The following MAGI2 variants were observed in gnomAD, a reference collection of about 807,000 sequenced individuals.
MAGI2 encodes membrane associated guanylate kinase, WW and PDZ domain containing 2, also known as membrane-associated guanylate kinase, WW and PDZ domain-containing protein 2.
MAGI2 carries 35 observed loss-of-function variants against 133.3 expected under a neutral mutation model. That is an observed-to-expected ratio of 0.26 (90% CI 0.20 to 0.35). MAGI2 has a LOEUF of 0.35. MAGI2 is among the 10% of genes least tolerant of loss of function. MAGI2 has a pLI of 1.00. For synonymous variants in MAGI2, 729 were observed against 710.6 expected (o/e 1.03, Z -0.41); for missense variants, 1,636 against 1,863.4 (o/e 0.88, Z 2.25).
chr7:78,319,425 G>A (rs188860657), intron 9 of MAGI2, among the ~76,000 whole-genome samples: 132 of 152,240 alleles, frequency 8.7e-4, no homozygotes, highest in African/African-American at 2.8e-3. Context: ...AATCATAACA[G>A]TGTCTCACAC....
chr7:78,053,513 T>G (rs1056792200), intron 21 of MAGI2, among the ~76,000 whole-genome samples: 1 of 152,352 alleles, frequency 6.6e-6, no homozygotes, highest in South Asian at 2.1e-4. Context: ...ATGCATATAT[T>G]TGAAGGTCAA....
intron 6 of MAGI2, among the ~76,000 whole-genome samples, chr7:78,423,292 C>T (rs903558419): frequency 6.6e-6 from 1 of 152,154 alleles, no homozygotes; most frequent in African/African-American, 2.4e-5. Context: ...CTTTGCCTGA[C>T]GCCATCTCCG....
intron 1 of MAGI2, among the ~76,000 whole-genome samples, chr7:79,058,914 A>G (rs891371548): frequency 6.6e-6 from 1 of 152,110 alleles, no homozygotes; most frequent in East Asian, 1.9e-4. Context: ...GGGACAAATA[A>G]TAGCATTTAC....
chr7:78,024,705 G>A lies in MAGI2; in HGVS notation c.3707-4729C>T, dbSNP rs1013994424. Among the ~76,000 whole-genome samples the A allele has an allele frequency of 4.6e-5, 7 of 152,214 alleles. No homozygotes were observed. The South Asian group carries it at 6.2e-4, about 14-fold the overall frequency. ...GAAGACACAATTGAAAGAGGGCCAC[G>A]TGTGGACATCTTTCATAAACCCTTG... On this transcript the variant is annotated intron_variant, in intron 21 of 21. Transcript: ENST00000354212.
At chr7:79,399,389 C>T (rs900606521) in intron 1 of MAGI2, among the ~76,000 whole-genome samples, 3 of 152,038 alleles carry the variant, frequency 2.0e-5, no homozygotes, top group Admixed American at 6.6e-5. Context: ...CCACTGTGCC[C>T]GCCATAGTTC....
At chr7:79,091,518 T>C (rs1464597173) in intron 1 of MAGI2, among the ~76,000 whole-genome samples, 1 of 152,174 alleles carries the variant, frequency 6.6e-6, no homozygotes, top group Non-Finnish European at 1.5e-5. Context: ...GCAGTTGTGA[T>C]AACAGGAATT....
At chr7:79,398,836 A>G (rs906507161) in intron 1 of MAGI2, among the ~76,000 whole-genome samples, 1 of 152,146 alleles carries the variant, frequency 6.6e-6, no homozygotes. Context: ...GGAAACTACA[A>G]GTAAAAAAGA....
intron 1 of MAGI2, among the ~76,000 whole-genome samples, chr7:79,239,981 C>T (rs948622506): frequency 3.3e-5 from 5 of 152,188 alleles, no homozygotes; most frequent in African/African-American, 1.2e-4. Flanking sequence ...TGTCTTCCCT[C>T]AGATTATCCA....
At chr7:79,104,496 A>G (rs868368467) in intron 1 of MAGI2, among the ~76,000 whole-genome samples, 7 of 152,022 alleles carry the variant, frequency 4.6e-5, no homozygotes, top group Non-Finnish European at 8.8e-5. Flanking sequence ...GTAAAGCCCC[A>G]TCTCTACTAA....
Position 78,726,919 on chromosome 7 carries a change from GT to G in MAGI2, c.419-99681del, listed in dbSNP as rs573285679. The stretch of plus-strand genomic sequence containing the variant: ...GGTTACTAAATTCTCAGATGCATGG[GT>G]TTTTTTTTTTTGAAGTATTTATGTT... On this transcript the variant is annotated intron_variant, in intron 2 of 21. Transcript: ENST00000354212. 9.5e-3 allele frequency among the ~76,000 whole-genome samples: 1,369 copies of G among 143,982 alleles called. 9 individuals are homozygous for G. The highest frequency in any genetic ancestry group is 0.029 in the African/African-American group (1,159 of 39,586). The allele number at this position is 143,982 out of a possible 152,430, so 94.5% of individuals were successfully genotyped here. A position where few individuals can be genotyped will look rare whatever the true frequency, so the allele number is the denominator to read the frequency against.
At chr7:78,285,241 C>T (rs1796026019) in intron 9 of MAGI2, among the ~76,000 whole-genome samples, 1 of 151,600 alleles carries the variant, frequency 6.6e-6, no homozygotes, top group African/African-American at 2.4e-5. Context: ...GTTACGCATC[C>T]AAAAAAAATC....
chr7:78,442,813 T>G (rs1434529359), intron 6 of MAGI2, among the ~76,000 whole-genome samples: 2 of 152,228 alleles, frequency 1.3e-5, no homozygotes, highest in Non-Finnish European at 2.9e-5. Flanking sequence ...TGGTATTCAC[T>G]GTTTTTGAAA....
In MAGI2 at chr7:78,017,797, G is replaced by T. The variant is rs1032731224; in HGVS notation, c.*1518C>A. 6.6e-6 allele frequency: 1 copy of T among 152,398 alleles called. No individual in the cohort carries two copies. Among genetic ancestry groups the T allele is most frequent in the Non-Finnish European group, 1.5e-5 (1 of 68,058 alleles). 9.4% of individuals were successfully genotyped at this position (152,398 alleles called of 1,614,324 possible). A position where few individuals can be genotyped will look rare whatever the true frequency, so the allele number is the denominator to read the frequency against. On this transcript the variant is annotated 3_prime_UTR_variant, in exon 22 of 22. Coordinates refer to ENST00000354212, the MANE Select transcript of MAGI2 (RefSeq NM_012301.4). ...ATGATCAGCCCAGGGAGGCTATTAC[G>T]TGTGACCTTTGAGATGGACCTGATC...
chr7:79,079,633 G>A (rs1815856424), intron 1 of MAGI2, among the ~76,000 whole-genome samples: 1 of 151,958 alleles, frequency 6.6e-6, no homozygotes, highest in African/African-American at 2.4e-5. Flanking sequence ...AGATAGAAAT[G>A]GTTGAGGTAC....
chr7:78,698,222 A>C (rs747511711), intron 2 of MAGI2, among the ~76,000 whole-genome samples: 26 of 152,228 alleles, frequency 1.7e-4, no homozygotes, highest in Non-Finnish European at 2.1e-4. Flanking sequence ...TGATCAAATA[A>C]AATCTTCCTT....
At chr7:79,010,764 T>A (rs931049332) in intron 1 of MAGI2, among the ~76,000 whole-genome samples, 2 of 149,436 alleles carry the variant, frequency 1.3e-5, no homozygotes, top group East Asian at 3.9e-4. Context: ...TATTGACTTA[T>A]TTAGTTATGT....
At chr7:78,467,988 C>A (rs1478477644) in intron 6 of MAGI2, among the ~76,000 whole-genome samples, 1 of 151,922 alleles carries the variant, frequency 6.6e-6, no homozygotes, top group East Asian at 1.9e-4. Flanking sequence ...TTCTGGGTAG[C>A]AGAGGGACAG....
intron 2 of MAGI2, among the ~76,000 whole-genome samples, chr7:78,713,863 G>A (rs1390824): frequency 6.6e-6 from 1 of 151,786 alleles, no homozygotes; most frequent in Admixed American, 6.6e-5. Context: ...TTTGTTTTTA[G>A]CAACCATCCT....
chr7:78,086,272 C>G (rs1443332679), intron 20 of MAGI2, among the ~76,000 whole-genome samples: 1 of 130,144 alleles, frequency 7.7e-6, no homozygotes, highest in East Asian at 2.3e-4. Context: ...GAGTTTCACT[C>G]TGTTGCCCAG....
Sources: allele counts gnomAD v4.1 joint callset (sites outside exome capture counted in the v4.1 genomes callset), GRCh38; gene constraint gnomAD v4.1.1; transcripts MANE v1.5; gene names NCBI Gene and HGNC (gene_info 2026-07-23, HGNC 2026-07-21).